The following LOC128092252 variants were observed in gnomAD, a reference collection of about 807,000 sequenced individuals.
At chr15:50,676,154 T>C in the LOC128092252 span, among the ~76,000 whole-genome samples, 1 of 152,308 alleles carries the variant, frequency 6.6e-6, no homozygotes, top group East Asian at 1.9e-4. Flanking sequence ...ATAAGGGACA[T>C]GTATTACAAA....
chr15:50,680,823 T>A, the LOC128092252 span, among the ~76,000 whole-genome samples: 23 of 152,198 alleles, frequency 1.5e-4, no homozygotes, highest in Admixed American at 1.2e-3. Flanking sequence ...CAAGTTTCTG[T>A]AGTTTGGCAG....
the LOC128092252 span, among the ~76,000 whole-genome samples, chr15:50,677,248 T>C: frequency 6.6e-6 from 1 of 152,006 alleles, no homozygotes. Flanking sequence ...TCTAAGGACA[T>C]AAATCCTATC....
At chr15:50,674,046 T>A in the LOC128092252 span, among the ~76,000 whole-genome samples, 1 of 152,212 alleles carries the variant, frequency 6.6e-6, no homozygotes, top group South Asian at 2.1e-4. Context: ...TGGAGGGCAA[T>A]GGCATGATCT....
the LOC128092252 span, among the ~76,000 whole-genome samples, chr15:50,671,382 G>GA: frequency 6.6e-6 from 1 of 152,126 alleles, no homozygotes. Context: ...ACAAAAAACA[G>GA]AATTTCCTTC....
the LOC128092252 span, among the ~76,000 whole-genome samples, chr15:50,683,001 G>A: frequency 6.6e-6 from 1 of 151,298 alleles, no homozygotes. Context: ...TCCCACCTCA[G>A]CCTCCCAAGT....
chr15:50,678,373 C>G, the LOC128092252 span, among the ~76,000 whole-genome samples: 29 of 151,484 alleles, frequency 1.9e-4, no homozygotes, highest in African/African-American at 6.3e-4. Flanking sequence ...AAGGGTGACA[C>G]AGACAATGAC....
the LOC128092252 span, among the ~76,000 whole-genome samples, chr15:50,650,645 A>C: frequency 2.0e-5 from 3 of 152,094 alleles, no homozygotes; most frequent in Non-Finnish European, 2.9e-5. Context: ...TGGTGAGCCG[A>C]GATCGTGCCA....
chr15:50,679,459 C>T, the LOC128092252 span, among the ~76,000 whole-genome samples: 1 of 130,924 alleles, frequency 7.6e-6, no homozygotes, highest in Non-Finnish European at 1.6e-5. Context: ...TAGGTTTCTA[C>T]AGGTTTTATT....
chr15:50,686,242 T>A, the LOC128092252 span, among the ~76,000 whole-genome samples: 164 of 152,326 alleles, frequency 1.1e-3, no homozygotes, highest in African/African-American at 3.8e-3. Flanking sequence ...AGCCAGGTAG[T>A]CCCGGGCTCG....
At chr15:50,656,206 A>G in the LOC128092252 span, among the ~76,000 whole-genome samples, 3 of 152,208 alleles carry the variant, frequency 2.0e-5, no homozygotes, top group Non-Finnish European at 4.4e-5. Context: ...CAAACAAGAG[A>G]CACCAGATGG....
At chr15:50,654,476 A>C in the LOC128092252 span, among the ~76,000 whole-genome samples, 1 of 151,256 alleles carries the variant, frequency 6.6e-6, no homozygotes, top group African/African-American at 2.4e-5. Flanking sequence ...AGACATATAA[A>C]AAAGATGAAG....
chr15:50,685,849 A>AG, the LOC128092252 span, among the ~76,000 whole-genome samples: 2 of 152,198 alleles, frequency 1.3e-5, no homozygotes, highest in Admixed American at 1.3e-4. Flanking sequence ...GGGATGCGGT[A>AG]GTTCGACTTA....
the LOC128092252 span, among the ~76,000 whole-genome samples, chr15:50,672,120 T>A: frequency 2.5e-3 from 381 of 152,272 alleles, 6 homozygotes; most frequent in Non-Finnish European, 3.2e-4. Context: ...AGTGGCATGA[T>A]CTTGGCTCAC....
the LOC128092252 span, among the ~76,000 whole-genome samples, chr15:50,658,459 A>G: frequency 6.6e-6 from 1 of 151,916 alleles, no homozygotes; most frequent in Non-Finnish European, 1.5e-5. Context: ...AGTCCTAGCT[A>G]CTAGGGAGGC....
the LOC128092252 span, among the ~76,000 whole-genome samples, chr15:50,652,710 T>C: frequency 1.3e-5 from 2 of 151,896 alleles, no homozygotes; most frequent in African/African-American, 4.8e-5. Context: ...CATTCTGCTT[T>C]GGAAAAAAAC....
the LOC128092252 span, among the ~76,000 whole-genome samples, chr15:50,655,013 A>AAG: frequency 2.7e-5 from 4 of 150,062 alleles, no homozygotes; most frequent in African/African-American, 9.7e-5. Context: ...AAAAAAAAAA[A>AAG]AAAAGAAAAG....
At chr15:50,659,460 A>G in the LOC128092252 span, among the ~76,000 whole-genome samples, 1 of 152,170 alleles carries the variant, frequency 6.6e-6, no homozygotes, top group Non-Finnish European at 1.5e-5. Flanking sequence ...ACCAAGTGTC[A>G]ATTACCTATT....
At chr15:50,657,970 T>G in the LOC128092252 span, 60 of 535,426 alleles carry the variant, frequency 1.1e-4, no homozygotes, top group African/African-American at 1.1e-3. Flanking sequence ...CCTTGATTTA[T>G]AATTCAAATA....
chr15:50,677,390 C>G, the LOC128092252 span, among the ~76,000 whole-genome samples: 1 of 151,928 alleles, frequency 6.6e-6, no homozygotes, highest in Non-Finnish European at 1.5e-5. Context: ...CGAGGGAGAT[C>G]ACATTCAGTA....
Sources: gnomAD v4.1 joint callset for allele counts (sites outside exome capture counted in the v4.1 genomes callset) on GRCh38, gnomAD v4.1.1 for gene constraint, MANE v1.5 for transcripts.